The following NRG3 variants were observed in gnomAD, a reference collection of about 807,000 sequenced individuals.
The protein encoded by NRG3 is pro-neuregulin-3, membrane-bound isoform.
Under a neutral mutation model 66.9 loss-of-function variants are expected in NRG3, and 31 were observed. That is an observed-to-expected ratio of 0.46 (90% confidence interval 0.35 to 0.63). The LOEUF is 0.63. Among genes scored for constraint, NRG3 ranks in the 20% least tolerant of loss-of-function variants. The probability of loss-of-function intolerance (pLI) is 0.00; values close to 1 mark genes in which losing one functional copy is unlikely to be tolerated. For synonymous variants in NRG3, 393 were observed against 359.4 expected, an observed-to-expected ratio of 1.09 and a Z score of -1.06; for missense variants, 910 against 878.9, an observed-to-expected ratio of 1.04 and a Z score of -0.45.
chr10:82,854,166 C>T (rs2063697999), intron 3 of NRG3, among the ~76,000 whole-genome samples: 1 of 152,096 alleles, frequency 6.6e-6, no homozygotes, highest in Non-Finnish European at 1.5e-5. Context: ...AGTTATAATC[C>T]AAGGCATAAT....
chr10:82,973,975 C>T, intron 7 of NRG3, 60 bp downstream of exon 7: 1 of 1,592,782 alleles, frequency 6.3e-7, no homozygotes, highest in Non-Finnish European at 8.6e-7. Flanking sequence ...TGCTGGGTGG[C>T]ACATGCCAAG....
intron 3 of NRG3, among the ~76,000 whole-genome samples, chr10:82,840,292 G>A (rs1204239151): frequency 1.3e-5 from 2 of 151,986 alleles, no homozygotes; most frequent in African/African-American, 2.4e-5. Flanking sequence ...CGCAGCCTAC[G>A]TTGGTGGACT....
chr10:82,040,643 C>T (rs1420707753), intron 1 of NRG3, among the ~76,000 whole-genome samples: 1 of 151,926 alleles, frequency 6.6e-6, no homozygotes, highest in Non-Finnish European at 1.5e-5. Flanking sequence ...AAGAACCCCA[C>T]AGAGATGCAT....
At chr10:81,879,514 C>T (rs779506401) in intron 1 of NRG3, among the ~76,000 whole-genome samples, 13 of 152,070 alleles carry the variant, frequency 8.5e-5, no homozygotes, top group South Asian at 6.2e-4. Context: ...GGTGGTAGCC[C>T]GGAGTCATTG....
At chr10:82,026,631 T>A (rs1026162138) in intron 1 of NRG3, among the ~76,000 whole-genome samples, 1 of 151,094 alleles carries the variant, frequency 6.6e-6, no homozygotes, top group Admixed American at 6.6e-5. Context: ...ATTTGGTAAA[T>A]TTTTTTGTGT....
At chr10:82,158,548 G>A (rs928141063) in intron 1 of NRG3, among the ~76,000 whole-genome samples, 3 of 151,878 alleles carry the variant, frequency 2.0e-5, no homozygotes, top group African/African-American at 4.8e-5. Flanking sequence ...GTGTGTCTGC[G>A]CAGGTAAATT....
At chr10:82,870,379 T>C (rs897668835) in intron 4 of NRG3, among the ~76,000 whole-genome samples, 2 of 152,226 alleles carry the variant, frequency 1.3e-5, no homozygotes, top group Non-Finnish European at 2.9e-5. Flanking sequence ...ATTATGGATA[T>C]AATTGTTGTA....
chr10:82,384,183 C>G (rs949665884), intron 2 of NRG3, among the ~76,000 whole-genome samples: 4 of 151,800 alleles, frequency 2.6e-5, no homozygotes, highest in African/African-American at 9.7e-5. Context: ...ATTTTTTTCT[C>G]CATTTGAAAA....
chr10:82,112,683 T>C (rs2067459253), intron 1 of NRG3, among the ~76,000 whole-genome samples: 1 of 152,180 alleles, frequency 6.6e-6, no homozygotes, highest in African/African-American at 2.4e-5. Flanking sequence ...ATCTTACAAA[T>C]TTAGGTGACA....
At chr10:82,444,883 T>A (rs2090632364) in intron 2 of NRG3, among the ~76,000 whole-genome samples, 1 of 152,192 alleles carries the variant, frequency 6.6e-6, no homozygotes, top group African/African-American at 2.4e-5. Flanking sequence ...TAAAATTACT[T>A]AATACAGAAC....
intron 2 of NRG3, among the ~76,000 whole-genome samples, chr10:82,406,958 C>CT (rs1437197558): frequency 6.6e-6 from 1 of 151,960 alleles, no homozygotes; most frequent in Non-Finnish European, 1.5e-5. Flanking sequence ...CATTACTATT[C>CT]TTTTTATTAT....
rs189540754 is a variant in NRG3 at position 82,286,656 on chromosome 10, C to T, written c.824-72083C>T. Among the ~76,000 whole-genome samples the T allele has an allele frequency of 3.2e-3, 488 of 152,250 alleles. 5 individuals carry two copies. Among genetic ancestry groups the T allele is most frequent in the African/African-American group, 0.011 (457 of 41,542 alleles). On this transcript the variant is annotated intron_variant, in intron 1 of 8. Coordinates refer to ENST00000372141, the MANE Select transcript of NRG3 (RefSeq NM_001010848.4). ...AGACTGGAGTGCAGTGGCATGATCTCGGCTCACTGCAACCTCTGCTTCCCA... is the reference window on the plus strand; with the variant it reads ...AGACTGGAGTGCAGTGGCATGATCTTGGCTCACTGCAACCTCTGCTTCCCA...
At chr10:82,735,007 AAAAAAAAAAAG>A (rs1270109057) in intron 2 of NRG3, among the ~76,000 whole-genome samples, 1 of 25,382 alleles carries the variant, frequency 3.9e-5, no homozygotes, top group Non-Finnish European at 8.0e-5. Flanking sequence ...ACTCTGCCTC[AAAAAAAAAAAG>A]AAAAAAAAAA....
intron 2 of NRG3, among the ~76,000 whole-genome samples, chr10:82,690,266 G>T (rs1033655850): frequency 3.8e-5 from 5 of 132,376 alleles, no homozygotes; most frequent in African/African-American, 1.3e-4. Context: ...CTTAAACTTA[G>T]AATTGGCCAC....
chr10:82,563,019 C>A (rs2045152484), intron 2 of NRG3, among the ~76,000 whole-genome samples: 1 of 152,002 alleles, frequency 6.6e-6, no homozygotes, highest in African/African-American at 2.4e-5. Context: ...GAAAAATGGG[C>A]AGTTTAGGAA....
chr10:82,218,226 G>C (rs1031161799), intron 1 of NRG3, among the ~76,000 whole-genome samples: 1 of 152,076 alleles, frequency 6.6e-6, no homozygotes, highest in East Asian at 1.9e-4. Context: ...TAAGAATTTA[G>C]GTTATGTCCC....
At chr10:82,829,232 G>A (rs2062394228) in intron 3 of NRG3, among the ~76,000 whole-genome samples, 1 of 152,158 alleles carries the variant, frequency 6.6e-6, no homozygotes, top group Non-Finnish European at 1.5e-5. Context: ...TTGGAGCACA[G>A]TGCAGAAGGA....
intron 3 of NRG3, among the ~76,000 whole-genome samples, chr10:82,827,759 A>G (rs1031932262): frequency 6.6e-6 from 1 of 152,218 alleles, no homozygotes; most frequent in Non-Finnish European, 1.5e-5. Context: ...TATCTCCCAG[A>G]GTCAATTTCA....
intron 4 of NRG3, among the ~76,000 whole-genome samples, chr10:82,950,954 C>T (rs1425989911): frequency 1.3e-5 from 2 of 152,112 alleles, no homozygotes; most frequent in African/African-American, 2.4e-5. Context: ...AAAATACTTA[C>T]GTGCCTATTG....
Sources: allele counts gnomAD v4.1 joint callset (sites outside exome capture counted in the v4.1 genomes callset), GRCh38; gene constraint gnomAD v4.1.1; transcripts MANE v1.5; gene names NCBI Gene and HGNC (gene_info 2026-07-23, HGNC 2026-07-21).